SEPTIN10: variants seen among roughly 807,000 people sequenced by gnomAD.
SEPTIN10 encodes the protein septin 10.
SEPTIN10 carries 66 observed loss-of-function variants against 54.8 expected under a neutral mutation model. The ratio of observed to expected loss-of-function variants is 1.21; its 90% CI spans 0.99 to 1.48. SEPTIN10 has a LOEUF of 1.48. Among genes scored for constraint, SEPTIN10 ranks in the 40% most tolerant of loss-of-function variants. SEPTIN10 has a pLI of 0.00. For synonymous variants in SEPTIN10, 161 were observed against 181.0 expected, an observed-to-expected ratio of 0.89 and a Z score of 0.89; for missense variants, 620 against 545.6, an observed-to-expected ratio of 1.14 and a Z score of -1.36.
At chr2:109,599,271 A>G (rs1696046713) in intron 1 of SEPTIN10, among the ~76,000 whole-genome samples, 2 of 152,082 alleles carry the variant, frequency 1.3e-5, no homozygotes, top group Non-Finnish European at 2.9e-5. Context: ...CAGCCTGGCC[A>G]ACATGGTGAA....
At chr2:109,613,627 C>T in intron 1 of SEPTIN10, 171 bp downstream of exon 1, 1 of 384,598 alleles carries the variant, frequency 2.6e-6, no homozygotes, top group Non-Finnish European at 4.2e-6. Flanking sequence ...GGCTCCTCTC[C>T]CGCCCCAGGC....
At position 109,578,019 on chromosome 2, in the gene SEPTIN10, T is replaced by C. The variant is rs553834921; in HGVS notation, c.414-3252A>G. Among the ~76,000 whole-genome samples the C allele has an allele frequency of 8.6e-5, 13 of 151,940 alleles. No individual in the cohort carries two copies. In the South Asian group the frequency reaches 2.5e-3, roughly 29 times the overall value. ...TTCATTTCATTGTCTATTTGTATTATCAATGAGAAGTATAAACACTCATCT... is the reference window on the plus strand; with the variant it reads ...TTCATTTCATTGTCTATTTGTATTACCAATGAGAAGTATAAACACTCATCT... On this transcript the variant is annotated intron_variant, in intron 4 of 10. Transcript: ENST00000397712.
intron 8 of SEPTIN10, 77 bp from the exon 9 acceptor site, chr2:109,553,296 AC>A: frequency 2.7e-6 from 4 of 1,498,442 alleles, no homozygotes; most frequent in Non-Finnish European, 3.6e-6. Flanking sequence ...TGTAATCCCA[AC>A]ACTTTGGGAG....
In SEPTIN10 at chr2:109,612,832, A is replaced by T. The variant is rs1457636868; in HGVS notation, c.30+966T>A. The stretch of plus-strand genomic sequence containing the variant: ...GACCTGGGCTGAATCAGGGAGAAAA[A>T]TCTTTGTCCAGGTTCTATAAAACAA... On this transcript the variant is annotated intron_variant, in intron 1 of 10. Transcript: ENST00000397712. 9.2e-5 allele frequency among the ~76,000 whole-genome samples: 14 copies of T among 152,292 alleles called. No individual in the cohort carries two copies. In the East Asian group the frequency reaches 2.5e-3, roughly 27 times the overall value.
At chr2:109,593,873 T>C (rs1166908223) in intron 1 of SEPTIN10, among the ~76,000 whole-genome samples, 3 of 152,180 alleles carry the variant, frequency 2.0e-5, no homozygotes, top group African/African-American at 4.8e-5. Context: ...AAAATAATCA[T>C]TTATAGAACT....
At position 109,556,914 on chromosome 2, in the gene SEPTIN10, G is replaced by A. The variant is rs1212602359; in HGVS notation, c.1029-3695C>T. Among the ~76,000 whole-genome samples the A allele has an allele frequency of 8.5e-5, 13 of 152,096 alleles. No homozygotes were observed. The South Asian group carries it at 1.0e-3, about 12-fold the overall frequency. ...AAATCATCATTCTCAGCAAACTATC[G>A]CAAGGACAAAAAAACCAAACATGGC... On this transcript the variant is annotated intron_variant, in intron 8 of 10. Coordinates refer to ENST00000397712, the MANE Select transcript of SEPTIN10 (RefSeq NM_144710.5).
At chr2:109,601,575 C>G (rs556058644) in intron 1 of SEPTIN10, among the ~76,000 whole-genome samples, 2 of 152,272 alleles carry the variant, frequency 1.3e-5, no homozygotes, top group East Asian at 3.9e-4. Flanking sequence ...TATCAGGGTA[C>G]TCCTTCTTTG....
chr2:109,607,142 C>A (rs944106146), intron 1 of SEPTIN10, among the ~76,000 whole-genome samples: 1 of 152,140 alleles, frequency 6.6e-6, no homozygotes, highest in African/African-American at 2.4e-5. Flanking sequence ...AAAAAGCTTT[C>A]ATTCTACTTA....
intron 8 of SEPTIN10, among the ~76,000 whole-genome samples, chr2:109,563,712 C>A (rs1169084117): frequency 1.3e-5 from 2 of 152,228 alleles, no homozygotes; most frequent in African/African-American, 4.8e-5. Context: ...ACAATCTAAT[C>A]TCCAACTCCC....
At chr2:109,568,748 TAA>T (rs1687657109) in intron 5 of SEPTIN10, among the ~76,000 whole-genome samples, 1 of 152,160 alleles carries the variant, frequency 6.6e-6, no homozygotes, top group African/African-American at 2.4e-5. Flanking sequence ...TCAGCAAAAC[TAA>T]AAGACAGGTG....
intron 1 of SEPTIN10, 48 bp from the exon 2 acceptor site, chr2:109,593,167 C>G: frequency 7.9e-7 from 1 of 1,261,924 alleles, no homozygotes. Context: ...ACATTACTCC[C>G]CAAACCCCAT....
intron 4 of SEPTIN10, among the ~76,000 whole-genome samples, chr2:109,583,129 C>T (rs6726080): frequency 9.2e-5 from 14 of 152,192 alleles, no homozygotes; most frequent in Non-Finnish European, 1.3e-4. Context: ...AAAGAATTTA[C>T]GATTAAGTCC....
intron 6 of SEPTIN10, among the ~76,000 whole-genome samples, chr2:109,567,059 G>T (rs1043930362): frequency 5.3e-5 from 8 of 151,916 alleles, no homozygotes; most frequent in African/African-American, 1.9e-4. Context: ...ATATAAAAGT[G>T]GTATGAAAAA....
At chr2:109,586,705 A>G (rs1692625778) in intron 2 of SEPTIN10, among the ~76,000 whole-genome samples, 2 of 152,210 alleles carry the variant, frequency 1.3e-5, no homozygotes, top group South Asian at 4.1e-4. Context: ...GGAGAGATGG[A>G]CAGAGCTTAA....
intron 1 of SEPTIN10, among the ~76,000 whole-genome samples, chr2:109,607,118 A>G (rs1253320487): frequency 6.6e-6 from 1 of 152,180 alleles, no homozygotes; most frequent in African/African-American, 2.4e-5. Context: ...TTAGCTCAAT[A>G]TTGAGCTTTT....
intron 1 of SEPTIN10, among the ~76,000 whole-genome samples, chr2:109,604,161 CAAAAAAA>C (rs34166921): frequency 1.7e-5 from 1 of 58,672 alleles, no homozygotes. Context: ...GACTCTGCCT[CAAAAAAA>C]AAAAAAAAAA....
intron 10 of SEPTIN10, 93 bp from the exon 11 acceptor site, chr2:109,544,417 G>A: frequency 2.1e-6 from 3 of 1,450,766 alleles, no homozygotes; most frequent in Non-Finnish European, 2.7e-6. Flanking sequence ...TAGGATATCT[G>A]GCCATGGGAC....
chr2:109,592,276 G>A (rs28707057), intron 2 of SEPTIN10, among the ~76,000 whole-genome samples: 2,513 of 151,200 alleles, frequency 0.017, 67 homozygotes, highest in African/African-American at 0.057. Flanking sequence ...ACCAGCCTGG[G>A]CAACCTGGCA....
At chr2:109,551,882 G>A (rs188541178) in intron 9 of SEPTIN10, among the ~76,000 whole-genome samples, 25 of 152,306 alleles carry the variant, frequency 1.6e-4, no homozygotes, top group Non-Finnish European at 3.4e-4. Context: ...CAAAACTACA[G>A]AAGTTCAGTG....
Sources: gnomAD v4.1 joint callset for allele counts (sites outside exome capture counted in the v4.1 genomes callset) on GRCh38, gnomAD v4.1.1 for gene constraint, MANE v1.5 for transcripts, NCBI Gene and HGNC (gene_info 2026-07-23, HGNC 2026-07-21) for gene names.